USP24: variants seen among roughly 807,000 people sequenced by gnomAD.
USP24 encodes ubiquitin carboxyl-terminal hydrolase 24.
A neutral mutation model predicts 361.6 loss-of-function variants in USP24; 97 were observed. The observed-to-expected ratio is 0.27, with a 90% CI of 0.23 to 0.32. The LOEUF (loss-of-function observed/expected upper bound fraction) is 0.32, where lower values mean the gene tolerates loss of function less well. Among genes scored for constraint, USP24 ranks in the 10% least tolerant of loss-of-function variants. The pLI is 1.00. For synonymous variants in USP24, 1,098 were observed against 1,124.6 expected (o/e 0.98, Z 0.47); for missense variants, 2,353 against 3,165.6 (o/e 0.74, Z 6.16).
intron 1 of USP24, among the ~76,000 whole-genome samples, chr1:55,182,346 C>A (rs1643998835): frequency 6.6e-6 from 1 of 152,150 alleles, no homozygotes; most frequent in South Asian, 2.1e-4. Context: ...AGCCATTGCG[C>A]CCGGCCTCTA....
At chr1:55,167,276 GAA>G (rs1270846326) in intron 5 of USP24, among the ~76,000 whole-genome samples, 3 of 152,172 alleles carry the variant, frequency 2.0e-5, no homozygotes, top group African/African-American at 7.2e-5. Context: ...AGACTTCTCT[GAA>G]AACATAATCT....
intron 52 of USP24, 90 bp downstream of exon 52, chr1:55,093,847 C>T (rs528152733): frequency 4.4e-4 from 670 of 1,536,044 alleles, no homozygotes; most frequent in Non-Finnish European, 5.6e-4. Context: ...AGTGGTACAA[C>T]TAATCCAGCA....
Position 55,083,262 on chromosome 1 carries a change from T to A in USP24, c.6975+10A>T. The stretch of plus-strand genomic sequence containing the variant: ...AGCTATTCCACTAGGGATATAAAAG[T>A]AGTCCTTACCTGATTGTTTTGCCGA... On this transcript the variant is annotated intron_variant, in intron 58 of 67. Transcript: ENST00000294383. The A allele has an allele frequency of 6.2e-7, 1 of 1,612,992 alleles. No homozygotes were observed. Among genetic ancestry groups the A allele is most frequent in the Non-Finnish European group, 8.5e-7 (1 of 1,179,354 alleles).
rs1368527329 is a variant in USP24, at chr1:55,099,804, A to G, written c.5337T>C (p.Thr1779=). 3 of 1,559,992 alleles carry G rather than the reference A, an allele frequency of 1.9e-6. No individual in the cohort carries two copies. The Admixed American group carries it at 5.8e-5, about 30-fold the overall frequency. ...ATTCATCCATCTGATCAATGAGACT[A>G]GTAAAGAATTCATATGCATCCTGCT... ...REQQDAYEFF[T]SLIDQMDEYL... is the part of the protein sequence containing the mutation. Residue 1779 remains threonine, a synonymous_variant, in exon 45 of 68, where the codon ACT becomes ACC. Transcript: ENST00000294383.
intron 16 of USP24, among the ~76,000 whole-genome samples, chr1:55,151,093 T>C (rs948496497): frequency 2.6e-5 from 4 of 152,210 alleles, no homozygotes; most frequent in Non-Finnish European, 4.4e-5. Context: ...TAAAAGTTCA[T>C]TGATACTGAA....
intron 49 of USP24, 83 bp downstream of exon 49, chr1:55,096,869 T>C: frequency 6.7e-7 from 1 of 1,499,020 alleles, no homozygotes; most frequent in Non-Finnish European, 9.1e-7. Context: ...AAAGTGTCCC[T>C]GCACCACAGC....
In USP24 at chr1:55,172,326, T is replaced by C. The variant is rs1038644009; in HGVS notation, c.702+51A>G. The C allele has an allele frequency of 1.8e-5, 27 of 1,473,560 alleles. No homozygotes were observed. In the Middle Eastern group the frequency reaches 5.4e-4, roughly 29 times the overall value. The allele number at this position is 1,473,560 out of a possible 1,614,324, so 91.3% of individuals were successfully genotyped here. On this transcript the variant is annotated intron_variant, in intron 4 of 67. Coordinates refer to ENST00000294383, the MANE Select transcript of USP24 (RefSeq NM_015306.3). ...TAATTACAAGTCAGAGAACAGCAAG[T>C]ATTTTAAACAAAATCAAAACACAAA...
chr1:55,176,610 C>CT (rs2100819339), intron 2 of USP24, among the ~76,000 whole-genome samples, 167 bp from the exon 3 acceptor site: 1 of 152,208 alleles, frequency 6.6e-6, no homozygotes, highest in South Asian at 2.1e-4. Flanking sequence ...AACCTTAGTT[C>CT]TTACGAAATT....
At chr1:55,124,873 T>A (rs1167159701) in intron 34 of USP24, among the ~76,000 whole-genome samples, 2 of 152,124 alleles carry the variant, frequency 1.3e-5, no homozygotes, top group African/African-American at 4.8e-5. Flanking sequence ...ACTTTCCCCC[T>A]TTCCCACATA....
At chr1:55,191,126 T>C (rs1354535534) in intron 1 of USP24, among the ~76,000 whole-genome samples, 2 of 152,248 alleles carry the variant, frequency 1.3e-5, no homozygotes, top group African/African-American at 4.8e-5. Context: ...AATGTCACTT[T>C]TAACCTGAAA....
chr1:55,201,610 A>C (rs1644577828), intron 1 of USP24, among the ~76,000 whole-genome samples: 1 of 140,094 alleles, frequency 7.1e-6, no homozygotes, highest in African/African-American at 2.5e-5. Flanking sequence ...CAAAAAAAAA[A>C]AAAAAAAAAA....
In USP24 at chr1:55,137,570, G is replaced by A. The variant is rs373689346; in HGVS notation, c.3146C>T (p.Thr1049Ile). Residue 1049 changes from threonine to isoleucine, a missense_variant, in exon 28 of 68, where the codon ACC becomes ATC. This residue lies in a region of USP24 where 949 missense variants were observed against 1,280.5 expected (regional missense o/e 0.74). Transcript: ENST00000294383. ...TPSGSSADSSTSSSSSSSGVF... is the reference protein window; with the variant it reads ...TPSGSSADSSISSSSSSSGVF... ...CCCACTGCTGCTGCTGCTGGAGCTG[G>A]TTGAAGAATCTGCTGAACTCCCAGA... is the stretch of plus-strand genomic sequence containing the variant. 11 of 1,613,310 alleles carry A rather than the reference G, an allele frequency of 6.8e-6. No individual in the cohort carries two copies. The highest frequency in any genetic ancestry group is 9.3e-6 in the Non-Finnish European group (11 of 1,179,684).
chr1:55,120,556 C>T, intron 38 of USP24, 40 bp downstream of exon 38: 1 of 1,496,966 alleles, frequency 6.7e-7, no homozygotes, highest in Non-Finnish European at 8.9e-7. Context: ...CATTTATCCT[C>T]TCTCTGTATA....
At chr1:55,080,541 A>C (rs796157449) in intron 59 of USP24, among the ~76,000 whole-genome samples, 8 of 152,308 alleles carry the variant, frequency 5.3e-5, no homozygotes, top group African/African-American at 1.9e-4. Flanking sequence ...AATACTCCTC[A>C]TAGGTTTGTT....
chr1:55,141,832 G>T, intron 23 of USP24, 101 bp from the exon 24 acceptor site: 1 of 1,016,550 alleles, frequency 9.8e-7, no homozygotes, highest in South Asian at 1.4e-5. Context: ...GCTGTCCTGG[G>T]CATTCACTGT....
chr1:55,189,398 T>G (rs890784111), intron 1 of USP24, among the ~76,000 whole-genome samples: 1 of 152,198 alleles, frequency 6.6e-6, no homozygotes, highest in Non-Finnish European at 1.5e-5. Flanking sequence ...GTTGAATGAA[T>G]TTCCACAAAA....
intron 2 of USP24, among the ~76,000 whole-genome samples, chr1:55,177,213 T>C (rs990596260): frequency 6.6e-6 from 1 of 152,242 alleles, no homozygotes; most frequent in African/African-American, 2.4e-5. Context: ...TTACACAGAT[T>C]TGTGTCTGGC....
chr1:55,177,157 A>G (rs1276600290), intron 2 of USP24, among the ~76,000 whole-genome samples: 1 of 152,040 alleles, frequency 6.6e-6, no homozygotes, highest in African/African-American at 2.4e-5. Flanking sequence ...ATTTGCAATA[A>G]ATGCCTAAAT....
At chr1:55,197,131 C>T (rs1378349313) in intron 1 of USP24, among the ~76,000 whole-genome samples, 1 of 152,178 alleles carries the variant, frequency 6.6e-6, no homozygotes, top group Non-Finnish European at 1.5e-5. Flanking sequence ...ATGCCGTTCC[C>T]TCAGATAACC....
Sources: allele counts gnomAD v4.1 joint callset (sites outside exome capture counted in the v4.1 genomes callset), GRCh38; gene constraint gnomAD v4.1.1; regional missense constraint gnomAD v4.1.1; transcripts MANE v1.5; gene names NCBI Gene and HGNC (gene_info 2026-07-23, HGNC 2026-07-21).